The following WDR59 variants were observed in gnomAD, a reference collection of about 807,000 sequenced individuals.
WDR59 encodes the protein GATOR2 complex protein WDR59.
Under a neutral mutation model 131.2 loss-of-function variants are expected in WDR59, and 100 were observed. That is an observed-to-expected ratio of 0.76 (90% CI 0.65 to 0.90). The LOEUF is 0.90. Ranked by LOEUF, WDR59 falls within the 40% of genes least tolerant of loss-of-function variation. The probability of loss-of-function intolerance (pLI) is 0.00; values close to 1 mark genes in which losing one functional copy is unlikely to be tolerated. For missense variants in WDR59, 1,203 were observed against 1,262.2 expected (o/e 0.95, Z 0.71); for synonymous variants, 601 against 466.2 (o/e 1.29, Z -3.72).
chr16:74,895,701 A>T (rs1376409753), intron 18 of WDR59, among the ~76,000 whole-genome samples: 1 of 152,214 alleles, frequency 6.6e-6, no homozygotes, highest in African/African-American at 2.4e-5. Flanking sequence ...TTTTCTAAAA[A>T]ATTATGTGCA....
chr16:74,940,446 G>C (rs1042191026), intron 7 of WDR59, among the ~76,000 whole-genome samples: 2 of 150,504 alleles, frequency 1.3e-5, no homozygotes, highest in African/African-American at 2.4e-5. Flanking sequence ...TAATTATAAA[G>C]AGATATTAAT....
intron 2 of WDR59, among the ~76,000 whole-genome samples, chr16:74,960,272 A>C (rs1248322307): frequency 1.3e-5 from 2 of 151,600 alleles, no homozygotes; most frequent in African/African-American, 4.8e-5. Context: ...CAGAGGTTGC[A>C]GTGAGCCGAC....
chr16:74,881,693 T>C (rs1249197375), intron 25 of WDR59, among the ~76,000 whole-genome samples: 2 of 151,734 alleles, frequency 1.3e-5, no homozygotes, highest in African/African-American at 2.4e-5. Context: ...GCCAACATGG[T>C]GAAACCGTGT....
chr16:74,912,975 C>T (rs901559426), intron 13 of WDR59, among the ~76,000 whole-genome samples: 1 of 152,102 alleles, frequency 6.6e-6, no homozygotes, highest in African/African-American at 2.4e-5. Flanking sequence ...GGTAAACCCA[C>T]AGCCTTCCAG....
At chr16:74,877,097 T>A (rs1245243236) in intron 25 of WDR59, among the ~76,000 whole-genome samples, 1 of 152,110 alleles carries the variant, frequency 6.6e-6, no homozygotes, top group Non-Finnish European at 1.5e-5. Flanking sequence ...TGTGTTCTAT[T>A]AGTTCATCAA....
intron 11 of WDR59, among the ~76,000 whole-genome samples, chr16:74,916,592 C>T (rs1356413934): frequency 6.6e-6 from 1 of 152,196 alleles, no homozygotes; most frequent in African/African-American, 2.4e-5. Context: ...GGCGTAGTGG[C>T]TCATGCCTGT....
Position 74,956,613 on chromosome 16 carries a change from A to G in WDR59, c.105-3T>C, listed in dbSNP as rs1371843311. The G allele has an allele frequency of 1.9e-6, 3 of 1,613,894 alleles. No individual in the cohort carries two copies. The highest frequency in any genetic ancestry group is 2.7e-5 in the African/African-American group (2 of 75,046). ...TGACGATGTATAAGAATCTGCGGCT[A>G]GAGACCAACATCAACATTATAATAG... On this transcript the variant is annotated splice_polypyrimidine_tract_variant and splice_region_variant and intron_variant, in intron 2 of 25. Transcript: ENST00000262144.
In WDR59 at chr16:74,909,829, G is replaced by A. The variant is rs755776318; in HGVS notation, c.1478C>T (p.Ser493Phe). The change falls in exon 15 of 26, where the codon TCC (serine) becomes TTC (phenylalanine). Residue 493 changes from serine to phenylalanine, a missense_variant. Coordinates refer to ENST00000262144, the MANE Select transcript of WDR59 (RefSeq NM_030581.4). ...CLRQLVSCLE[S>F]FVNQEDSASS... ...CAGTTTCATGCTTCCCACCACAAAG[G>A]ACTCAAGGCAGGAGACGAGCTGGCG... 4 of 1,612,020 alleles carry A rather than the reference G, an allele frequency of 2.5e-6. No individual in the cohort carries two copies. Among genetic ancestry groups the A allele is most frequent in the Non-Finnish European group, 3.4e-6 (4 of 1,179,876 alleles).
chr16:74,886,452 TCTGAAG>T, intron 23 of WDR59, 56 bp from the exon 24 acceptor site: 1 of 1,594,986 alleles, frequency 6.3e-7, no homozygotes, highest in Non-Finnish European at 8.5e-7. Flanking sequence ...ATGGAAAATA[TCTGAAG>T]AGTCTCATAA....
At chr16:74,901,247 A>C (rs1348496425) in intron 18 of WDR59, among the ~76,000 whole-genome samples, 1 of 151,856 alleles carries the variant, frequency 6.6e-6, no homozygotes, top group African/African-American at 2.4e-5. Flanking sequence ...CATCTCTACA[A>C]AACACAGACC....
chr16:74,930,027 G>A (rs1441945802), intron 8 of WDR59, among the ~76,000 whole-genome samples: 1 of 152,170 alleles, frequency 6.6e-6, no homozygotes, highest in African/African-American at 2.4e-5. Flanking sequence ...GGTTACCAGA[G>A]GCTGGGAAGC....
At chr16:74,916,333 T>C in intron 11 of WDR59, 74 bp from the exon 12 acceptor site, 1 of 1,592,186 alleles carries the variant, frequency 6.3e-7, no homozygotes. Flanking sequence ...TAAAGAGTTC[T>C]GACTTAAAAA....
intron 25 of WDR59, among the ~76,000 whole-genome samples, chr16:74,874,810 C>T (rs574684849): frequency 7.9e-5 from 12 of 152,154 alleles, no homozygotes; most frequent in Non-Finnish European, 1.6e-4. Flanking sequence ...AGGCTGGTCT[C>T]GAACTCCTGA....
At chr16:74,984,686 C>T (rs1055592147) in intron 1 of WDR59, 12 of 489,316 alleles carry the variant, frequency 2.5e-5, no homozygotes, top group Non-Finnish European at 4.1e-5. Context: ...CTCCCCTCAG[C>T]ACTCACGATG....
intron 7 of WDR59, 119 bp downstream of exon 7, chr16:74,942,619 T>C: frequency 1.1e-6 from 1 of 916,956 alleles, no homozygotes. Flanking sequence ...AAATGGTCAT[T>C]TACCATGCTG....
intron 25 of WDR59, among the ~76,000 whole-genome samples, chr16:74,875,772 T>C (rs774136030): frequency 1.3e-5 from 2 of 152,170 alleles, no homozygotes; most frequent in Admixed American, 6.5e-5. Context: ...GCAAAACCTC[T>C]ACCCTGGATG....
chr16:74,895,787 G>A (rs1418531343), intron 18 of WDR59, among the ~76,000 whole-genome samples: 1 of 152,194 alleles, frequency 6.6e-6, no homozygotes, highest in Non-Finnish European at 1.5e-5. Flanking sequence ...ACGTTAAAGA[G>A]CAAATAACCT....
intron 14 of WDR59, 144 bp downstream of exon 14, chr16:74,912,054 T>G: frequency 2.7e-6 from 3 of 1,118,214 alleles, no homozygotes; most frequent in Non-Finnish European, 3.9e-6. Flanking sequence ...AATGGCAAGT[T>G]CAGAGGTTAC....
At chr16:74,884,855 C>T (rs111288986) in intron 25 of WDR59, among the ~76,000 whole-genome samples, 2 of 152,326 alleles carry the variant, frequency 1.3e-5, no homozygotes, top group South Asian at 4.1e-4. Flanking sequence ...GATGGCTCCA[C>T]GGTTCCTTTA....
Sources: gnomAD v4.1 joint callset for allele counts (sites outside exome capture counted in the v4.1 genomes callset) on GRCh38, gnomAD v4.1.1 for gene constraint, MANE v1.5 for transcripts, NCBI Gene and HGNC (gene_info 2026-07-23, HGNC 2026-07-21) for gene names.